AP3B1: variants seen among roughly 807,000 people sequenced by gnomAD.
AP3B1 encodes the protein AP-3 complex subunit beta-1.
A neutral mutation model predicts 132.5 loss-of-function variants in AP3B1; 61 were observed. That is an observed-to-expected ratio of 0.46 (90% CI 0.37 to 0.57). The LOEUF is 0.57. Ranked by LOEUF, AP3B1 falls within the 20% of genes least tolerant of loss-of-function variation. The probability of loss-of-function intolerance (pLI) is 0.00; values close to 1 mark genes in which losing one functional copy is unlikely to be tolerated. For synonymous variants in AP3B1, 388 were observed against 438.3 expected (o/e 0.89, Z 1.43); for missense variants, 1,120 against 1,289.4 (o/e 0.87, Z 2.01).
At chr5:78,047,560 T>C (rs995258789) in intron 22 of AP3B1, among the ~76,000 whole-genome samples, 2 of 152,266 alleles carry the variant, frequency 1.3e-5, no homozygotes, top group Non-Finnish European at 2.9e-5. Flanking sequence ...TGATTTTTTT[T>C]CTTGCAAATT....
At chr5:78,160,228 CT>C (rs1743334688) in intron 13 of AP3B1, among the ~76,000 whole-genome samples, 1 of 152,196 alleles carries the variant, frequency 6.6e-6, no homozygotes, top group Non-Finnish European at 1.5e-5. Flanking sequence ...AACATCTCAA[CT>C]GATTTAAGTC....
At chr5:78,136,359 A>G (rs1424556363) in intron 15 of AP3B1, among the ~76,000 whole-genome samples, 1 of 152,174 alleles carries the variant, frequency 6.6e-6, no homozygotes, top group Non-Finnish European at 1.5e-5. Flanking sequence ...GTTCCAACTC[A>G]GTTGGCATAT....
intron 15 of AP3B1, among the ~76,000 whole-genome samples, chr5:78,129,651 C>T (rs16875179): frequency 0.031 from 4,642 of 152,138 alleles, 138 homozygotes; most frequent in East Asian, 0.14. Context: ...CAACTAAAAA[C>T]ATGGCACTCA....
intron 7 of AP3B1, among the ~76,000 whole-genome samples, chr5:78,209,112 A>C (rs1259062082): frequency 6.6e-6 from 1 of 151,952 alleles, no homozygotes; most frequent in Admixed American, 6.6e-5. Flanking sequence ...ACACACACAC[A>C]CCAAAAATAA....
intron 3 of AP3B1, among the ~76,000 whole-genome samples, chr5:78,228,933 G>A (rs764162367): frequency 1.3e-5 from 2 of 152,060 alleles, no homozygotes; most frequent in African/African-American, 2.4e-5. Flanking sequence ...GTTTTTTTTG[G>A]TTTTCGATTT....
intron 22 of AP3B1, among the ~76,000 whole-genome samples, chr5:78,047,111 T>C (rs765211546): frequency 2.6e-5 from 4 of 152,224 alleles, no homozygotes; most frequent in Non-Finnish European, 4.4e-5. Flanking sequence ...TTGATGGACA[T>C]TTGGGTTACT....
Position 78,179,982 on chromosome 5 carries a change from A to T in AP3B1, c.942+1525T>A, listed in dbSNP as rs114740891. Among the ~76,000 whole-genome samples the T allele has an allele frequency of 3.3e-3, 508 of 152,258 alleles. 3 individuals are homozygous for T. The highest frequency in any genetic ancestry group is 6.8e-3 in the Middle Eastern group (2 of 294). On this transcript the variant is annotated intron_variant, in intron 8 of 26. Coordinates refer to ENST00000255194, the MANE Select transcript of AP3B1 (RefSeq NM_003664.5). ...GTTTCACTATTTGAAAACGTTTTTGATCCATAAGTATTTGAACTATAAAAT... is the reference window on the plus strand; with the variant it reads ...GTTTCACTATTTGAAAACGTTTTTGTTCCATAAGTATTTGAACTATAAAAT...
At chr5:78,183,001 C>T (rs1744431945) in intron 7 of AP3B1, among the ~76,000 whole-genome samples, 1 of 152,216 alleles carries the variant, frequency 6.6e-6, no homozygotes, top group African/African-American at 2.4e-5. Flanking sequence ...CAGAGGAGGC[C>T]TAGTGCATAG....
At chr5:78,178,049 G>T (rs752684140) in intron 8 of AP3B1, among the ~76,000 whole-genome samples, 1 of 152,176 alleles carries the variant, frequency 6.6e-6, no homozygotes, top group African/African-American at 2.4e-5. Flanking sequence ...TGCTCAAGGT[G>T]TAACAGCTAG....
intron 26 of AP3B1, among the ~76,000 whole-genome samples, chr5:78,007,174 T>C (rs1483568193): frequency 2.0e-5 from 3 of 152,222 alleles, no homozygotes; most frequent in Admixed American, 2.0e-4. Flanking sequence ...TCAATTGTTC[T>C]AACAATTAAC....
chr5:78,046,786 G>A (rs1389622472), intron 22 of AP3B1, among the ~76,000 whole-genome samples: 1 of 152,028 alleles, frequency 6.6e-6, no homozygotes. Flanking sequence ...ACGTGCCAAG[G>A]TGGTTTTGCT....
chr5:78,290,100 A>C (rs541797669), intron 1 of AP3B1, among the ~76,000 whole-genome samples: 3 of 152,322 alleles, frequency 2.0e-5, no homozygotes, highest in African/African-American at 7.2e-5. Context: ...AGATCCTCAC[A>C]AAAGAGGCAA....
At chr5:78,019,272 G>A (rs898773887) in intron 25 of AP3B1, among the ~76,000 whole-genome samples, 10 of 152,058 alleles carry the variant, frequency 6.6e-5, no homozygotes, top group Admixed American at 3.3e-4. Context: ...GCTAGTCAGC[G>A]AAAAATCCCT....
At position 78,089,427 on chromosome 5, in the gene AP3B1, C is replaced by A; in HGVS notation, c.2543G>T (p.Gly848Val). ...LSPSLMADLE[G>V]LHLSTSSSVI... ...TGAAGAGGAAGTTGACAAGTGTAAA[C>A]CTTCAAGATCAGCCATCAAACTTGG... The change falls in exon 22 of 27, where the codon GGT becomes GTT. Residue 848 changes from glycine to valine, a missense_variant. Coordinates refer to ENST00000255194, the MANE Select transcript of AP3B1 (RefSeq NM_003664.5). 1 of 1,613,150 alleles carries A rather than the reference C, an allele frequency of 6.2e-7. No individual in the cohort carries two copies. Among genetic ancestry groups the A allele is most frequent in the Non-Finnish European group, 8.5e-7 (1 of 1,179,278 alleles).
chr5:78,094,429 C>T (rs1750682818), intron 21 of AP3B1, among the ~76,000 whole-genome samples: 1 of 152,154 alleles, frequency 6.6e-6, no homozygotes, highest in Non-Finnish European at 1.5e-5. Context: ...AAAGAAACCA[C>T]TAAACCGATT....
At chr5:78,047,914 T>C (rs1437342348) in intron 22 of AP3B1, among the ~76,000 whole-genome samples, 1 of 152,158 alleles carries the variant, frequency 6.6e-6, no homozygotes, top group Admixed American at 6.5e-5. Flanking sequence ...TGATGCTTGA[T>C]TTAAAAAAAA....
rs1310374210 is a variant in AP3B1, at chr5:78,228,209, G to GA, written c.309dup (p.Arg104SerfsTer4). ...AGATCCTGCTGTTCTTCAGCATATC[G>GA]AACCAGGTAAACATATACCAACTTC... On this transcript the variant is annotated frameshift_variant, in exon 4 of 27. Transcript: ENST00000255194. LOFTEE classifies it high-confidence loss of function. 6.2e-7 allele frequency: 1 copy of GA among 1,610,518 alleles called. No individual in the cohort carries two copies. The highest frequency in any genetic ancestry group is 1.7e-5 in the Admixed American group (1 of 59,734).
intron 14 of AP3B1, among the ~76,000 whole-genome samples, chr5:78,146,412 C>T (rs1753397658): frequency 6.6e-6 from 1 of 152,230 alleles, no homozygotes. Flanking sequence ...GCAGTAACAA[C>T]TAATTATCAG....
At chr5:78,121,814 A>T (rs1192753413) in intron 17 of AP3B1, 2 of 152,258 alleles carry the variant, frequency 1.3e-5, no homozygotes, top group Non-Finnish European at 2.9e-5. Flanking sequence ...CAATCAATAG[A>T]AAAAGAGGGA....
Sources: gnomAD v4.1 joint callset for allele counts (sites outside exome capture counted in the v4.1 genomes callset) on GRCh38, gnomAD v4.1.1 for gene constraint, MANE v1.5 for transcripts, NCBI Gene and HGNC (gene_info 2026-07-23, HGNC 2026-07-21) for gene names.